The following SHMT1 variants were observed in gnomAD, a reference collection of about 807,000 sequenced individuals.
The protein encoded by SHMT1 is serine hydroxymethyltransferase, cytosolic.
A neutral mutation model predicts 49.0 loss-of-function variants in SHMT1; 45 were observed. The observed-to-expected ratio is 0.92, with a 90% CI of 0.72 to 1.18. The LOEUF is 1.18. Ranked by LOEUF, SHMT1 falls within the 50% of genes most tolerant of loss-of-function variation. The pLI, the probability that SHMT1 is intolerant of heterozygous loss-of-function variation, is 0.00. For missense variants in SHMT1, 541 were observed against 612.4 expected, an observed-to-expected ratio of 0.88 and a Z score of 1.23; for synonymous variants, 232 against 246.6, an observed-to-expected ratio of 0.94 and a Z score of 0.55.
chr17:18,342,876 C>T (rs1326108692), intron 5 of SHMT1, among the ~76,000 whole-genome samples: 1 of 151,258 alleles, frequency 6.6e-6, no homozygotes, highest in African/African-American at 2.4e-5. Context: ...GCGGAGGTTG[C>T]AGTGAGTCAA....
At position 18,363,532 on chromosome 17, in the gene SHMT1, G is replaced by T. The variant is rs990750096; in HGVS notation, c.-180C>A. On this transcript the variant is annotated 5_prime_UTR_variant, in exon 1 of 12. Coordinates refer to ENST00000316694, the MANE Select transcript of SHMT1 (RefSeq NM_004169.5). ...GCTCGAGCTCAGGAAGGTGCACTCTGCGCGCCAGGCTTGGGCTTGGCCCCG... is the reference window on the plus strand; with the variant it reads ...GCTCGAGCTCAGGAAGGTGCACTCTTCGCGCCAGGCTTGGGCTTGGCCCCG... The T allele has an allele frequency of 1.3e-5, 2 of 152,300 alleles. 1 individual carries two copies. Among genetic ancestry groups the T allele is most frequent in the Admixed American group, 1.3e-4 (2 of 15,282 alleles). The allele number at this position is 152,300 out of a possible 1,614,324, so 9.4% of individuals were successfully genotyped here.
intron 2 of SHMT1, among the ~76,000 whole-genome samples, chr17:18,354,545 G>A (rs767485710): frequency 1.3e-5 from 2 of 152,174 alleles, no homozygotes; most frequent in African/African-American, 2.4e-5. Flanking sequence ...TCAGTGAGCC[G>A]AGATCGCGCC....
At position 18,340,013 on chromosome 17, in the gene SHMT1, C is replaced by T. The variant is rs1984310517; in HGVS notation, c.814+30G>A. ...CACAGGAGAAATGTAAACCATGGTA[C>T]CCATCTGTACCCAACATTCGGGAGC... On this transcript the variant is annotated intron_variant, in intron 7 of 11. Coordinates refer to ENST00000316694, the MANE Select transcript of SHMT1 (RefSeq NM_004169.5). The surrounding 1 kb of genome is among the most constrained non-coding windows in gnomAD (Gnocchi z 4.5). 2 of 1,601,560 alleles carry T rather than the reference C, an allele frequency of 1.2e-6. No individual in the cohort carries two copies. Among genetic ancestry groups the T allele is most frequent in the African/African-American group, 2.7e-5 (2 of 74,724 alleles).
chr17:18,340,059 C>G lies in SHMT1; in HGVS notation c.798G>C (p.Met266Ile). 1 of 1,613,770 alleles carries G rather than the reference C, an allele frequency of 6.2e-7. No homozygotes were observed. Among genetic ancestry groups the G allele is most frequent in the Non-Finnish European group, 8.5e-7 (1 of 1,180,036 alleles). ...GGAGCTCACCTTTCCTGTAGAAGAT[C>G]ATGCCAGCTCGGCAGCCTCGCAGGG... is the stretch of plus-strand genomic sequence containing the variant. ...HKTLRGCRAGMIFYRKGVKSV... is the reference protein window; with the variant it reads ...HKTLRGCRAGIIFYRKGVKSV... The change falls in exon 7 of 12, where the codon ATG becomes ATC. Residue 266 changes from methionine to isoleucine, a missense_variant. Met to Ile is a conservative substitution (Grantham distance 10). Transcript: ENST00000316694. This position sits in a 1 kb window ranked among gnomAD's most constrained non-coding sequence, Gnocchi z 4.5.
rs767200967 is a variant in SHMT1 at position 18,328,831 on chromosome 17, G to C, written c.1371C>G (p.Tyr457Ter). Reference sequence around the variant, plus strand: ...CCCGGAGAGCCTGCACGGCCGCCTGGTACTTATCCCCTGCCAGTCTCTCCT... The same window carrying C: ...CCCGGAGAGCCTGCACGGCCGCCTGCTACTTATCCCCTGCCAGTCTCTCCT... ...EFKERLAGDK[Y>*]QAAVQALREE... Residue 457 changes from tyrosine to a stop codon, truncating the protein, a stop_gained, in exon 12 of 12, where the codon TAC (tyrosine) becomes TAG (stop). Coordinates refer to ENST00000316694, the MANE Select transcript of SHMT1 (RefSeq NM_004169.5). LOFTEE classifies it low-confidence loss of function (END_TRUNC). 15 of 1,613,666 alleles carry C rather than the reference G, an allele frequency of 9.3e-6. No individual in the cohort carries two copies. The highest frequency in any genetic ancestry group is 1.8e-4 in the Middle Eastern group (1 of 5,702).
intron 3 of SHMT1, among the ~76,000 whole-genome samples, chr17:18,350,646 C>G (rs1275938506): frequency 6.6e-6 from 1 of 152,036 alleles, no homozygotes; most frequent in Non-Finnish European, 1.5e-5. Flanking sequence ...TTCATTTATT[C>G]ACACATACAT....
At position 18,328,839 on chromosome 17, in the gene SHMT1, C is replaced by T. The variant is rs546838005; in HGVS notation, c.1363G>A (p.Asp455Asn). 1 of 1,613,680 alleles carries T rather than the reference C, an allele frequency of 6.2e-7. No individual in the cohort carries two copies. Among genetic ancestry groups the T allele is most frequent in the African/African-American group, 1.3e-5 (1 of 75,042 alleles). Residue 455 changes from aspartate (D) to asparagine (N), a missense_variant, in exon 12 of 12, where the codon GAT (aspartate) becomes AAT (asparagine). Coordinates refer to ENST00000316694, the MANE Select transcript of SHMT1 (RefSeq NM_004169.5). The part of the protein sequence containing the change: ...LKEFKERLAG[D>N]KYQAAVQALR... ...GCCTGCACGGCCGCCTGGTACTTAT[C>T]CCCTGCCAGTCTCTCCTTGAACTCT... is the stretch of plus-strand genomic sequence containing the variant.
chr17:18,341,074 G>C (rs906051357), intron 5 of SHMT1: 4 of 527,078 alleles, frequency 7.6e-6, no homozygotes, highest in Admixed American at 6.4e-5. Flanking sequence ...GAACCAAAAA[G>C]CACCTGCAGA....
At chr17:18,359,014 G>A (rs982546237) in intron 1 of SHMT1, among the ~76,000 whole-genome samples, 1 of 152,172 alleles carries the variant, frequency 6.6e-6, no homozygotes, top group Non-Finnish European at 1.5e-5. Flanking sequence ...CCAGCACTTT[G>A]GGAGGCCAAG....
intron 1 of SHMT1, among the ~76,000 whole-genome samples, chr17:18,356,719 A>C (rs1478127100): frequency 6.6e-6 from 1 of 152,156 alleles, no homozygotes; most frequent in Non-Finnish European, 1.5e-5. Flanking sequence ...TTTCCCTCAG[A>C]ATTGCTTGGT....
At chr17:18,330,299 C>CT (rs1023348518) in intron 10 of SHMT1, among the ~76,000 whole-genome samples, 7 of 152,260 alleles carry the variant, frequency 4.6e-5, no homozygotes, top group African/African-American at 1.7e-4. Context: ...CCATGCCCAG[C>CT]TAATTCTTCT....
At position 18,355,985 on chromosome 17, in the gene SHMT1, A is replaced by G; in HGVS notation, c.-4T>C. On this transcript the variant is annotated 5_prime_UTR_variant, in exon 2 of 12. Coordinates refer to ENST00000316694, the MANE Select transcript of SHMT1 (RefSeq NM_004169.5). ...CCCCGTTGACTGGCATCGTCATTGC[A>G]CTGGTTCGAAGCTGCCTAAAAAAAT... 1 of 1,605,234 alleles carries G rather than the reference A, an allele frequency of 6.2e-7. No individual in the cohort carries two copies. The highest frequency in any genetic ancestry group is 8.5e-7 in the Non-Finnish European group (1 of 1,172,054).
rs62072543 is a variant in SHMT1, at chr17:18,340,558, G to A, written c.601+174C>T. ...CTTAATCTACATAGCACAAAAAGCA[G>A]CAAACACACATCTGTATCCTGAAAG... On this transcript the variant is annotated intron_variant, in intron 6 of 11. Transcript: ENST00000316694. This position sits in a 1 kb window ranked among gnomAD's most constrained non-coding sequence, Gnocchi z 4.5. 0.23 allele frequency: 165,306 copies of A among 712,688 alleles called. 19,611 individuals are homozygous for A. The highest frequency in any genetic ancestry group is 0.29 in the Middle Eastern group (1,250 of 4,364). 44.1% of individuals were successfully genotyped at this position (712,688 alleles called of 1,614,324 possible). A position where few individuals can be genotyped will look rare whatever the true frequency, so the allele number is the denominator to read the frequency against.
chr17:18,334,524 A>ATTAC (rs1219869453), intron 8 of SHMT1, among the ~76,000 whole-genome samples: 1 of 152,218 alleles, frequency 6.6e-6, no homozygotes, highest in East Asian at 1.9e-4. Flanking sequence ...TGTGAAAACG[A>ATTAC]TTACTTAGCA....
intron 9 of SHMT1, 139 bp downstream of exon 9, chr17:18,333,027 G>T: frequency 8.8e-7 from 1 of 1,131,944 alleles, no homozygotes; most frequent in Non-Finnish European, 1.3e-6. Flanking sequence ...TTGGAGGCGA[G>T]GCTGACCTCC....
At chr17:18,352,885 A>G (rs75573175) in intron 3 of SHMT1, among the ~76,000 whole-genome samples, 2,296 of 152,182 alleles carry the variant, frequency 0.015, 64 homozygotes, top group African/African-American at 0.052. Context: ...AAGAAGAAAG[A>G]AAGGAAGGAA....
Position 18,329,346 on chromosome 17 carries a change from G to A in SHMT1, c.1214C>T (p.Thr405Ile), listed in dbSNP as rs1567765756. 1.9e-6 allele frequency: 3 copies of A among 1,612,938 alleles called. No homozygotes were observed. The South Asian group carries it at 3.3e-5, about 18-fold the overall frequency. ...ALRPSGLRLG[T>I]PALTSRGLLE... is the part of the protein sequence containing the mutation. The stretch of plus-strand genomic sequence containing the variant: ...AAGTCCACGGGACGTCAGTGCTGGG[G>A]TCCCCAGCCGCAGTCCACTGGGCCG... The change falls in exon 11 of 12, where the codon ACC becomes ATC. Residue 405 changes from threonine to isoleucine, a missense_variant. Transcript: ENST00000316694.
At chr17:18,339,952 A>G (rs1598031264) in intron 7 of SHMT1, 91 bp downstream of exon 7, 1 of 1,275,440 alleles carries the variant, frequency 7.8e-7, no homozygotes, top group South Asian at 1.2e-5. Flanking sequence ...CCCAGGTCAG[A>G]GTTTTTCCCA....
At chr17:18,346,171 A>G (rs984185761) in intron 5 of SHMT1, among the ~76,000 whole-genome samples, 1 of 152,268 alleles carries the variant, frequency 6.6e-6, no homozygotes, top group Admixed American at 6.6e-5. Context: ...CATGGACAGC[A>G]TGCACCCAAG....
Sources: gnomAD v4.1 joint callset for allele counts (sites outside exome capture counted in the v4.1 genomes callset) on GRCh38, gnomAD v4.1.1 for gene constraint, Gnocchi (gnomAD v3.1) non-coding constraint, MANE v1.5 for transcripts, NCBI Gene and HGNC (gene_info 2026-07-23, HGNC 2026-07-21) for gene names.